MGAT3: variants seen among roughly 807,000 people sequenced by gnomAD.
MGAT3 encodes GlcNAc-T III.
Under a neutral mutation model 29.8 loss-of-function variants are expected in MGAT3, and 9 were observed. The observed-to-expected ratio is 0.30, with a 90% CI of 0.18 to 0.53. The LOEUF (loss-of-function observed/expected upper bound fraction) is 0.53. Among genes scored for constraint, MGAT3 ranks in the 20% least tolerant of loss-of-function variants. The pLI, the probability that MGAT3 is intolerant of heterozygous loss-of-function variation, is 0.96. For missense variants in MGAT3, 557 were observed against 769.5 expected (o/e 0.72, Z 3.27); for synonymous variants, 397 against 348.9 (o/e 1.14, Z -1.54).
At chr22:39,459,817 G>A (rs1207975945) in intron 1 of MGAT3, among the ~76,000 whole-genome samples, 1 of 152,188 alleles carries the variant, frequency 6.6e-6, no homozygotes, top group Non-Finnish European at 1.5e-5. Context: ...ATGCACACAG[G>A]GTGCCTGGCA....
At chr22:39,468,638 C>T (rs778332114) in intron 1 of MGAT3, among the ~76,000 whole-genome samples, 1 of 152,198 alleles carries the variant, frequency 6.6e-6, no homozygotes, top group Admixed American at 6.5e-5. Context: ...GAGCCCCAGA[C>T]AGGCCTGAGA....
rs1212119215 is a variant in MGAT3 at position 39,489,755 on chromosome 22, A to C, written c.*806A>C. On this transcript the variant is annotated 3_prime_UTR_variant, in exon 2 of 2. Transcript: ENST00000341184. ...CTGTGCACTCAGTCCTTGCAAGGCC[A>C]AGAGTCCAGTTGTAGGTGTGGCCTT... The C allele has an allele frequency of 6.0e-6, 1 of 167,412 alleles. No individual in the cohort carries two copies. Among genetic ancestry groups the C allele is most frequent in the Non-Finnish European group, 1.5e-5 (1 of 68,264 alleles). The allele number at this position is 167,412 out of a possible 1,614,324, so 10.4% of individuals were successfully genotyped here.
intron 1 of MGAT3, among the ~76,000 whole-genome samples, chr22:39,469,610 C>A (rs1928750951): frequency 6.6e-6 from 1 of 152,202 alleles, no homozygotes; most frequent in Non-Finnish European, 1.5e-5. Context: ...CCTCTGCCAG[C>A]CAACAACCCC....
chr22:39,458,667 G>A (rs1057042543), intron 1 of MGAT3, among the ~76,000 whole-genome samples: 2 of 152,240 alleles, frequency 1.3e-5, no homozygotes, highest in African/African-American at 4.8e-5. Context: ...AGGAGGAAGA[G>A]AGAGGTTACT....
Position 39,489,291 on chromosome 22 carries a change from T to G in MGAT3, c.*342T>G. 3.1e-6 allele frequency: 1 copy of G among 323,342 alleles called. No homozygotes were observed. The highest frequency in any genetic ancestry group is 6.0e-6 in the Non-Finnish European group (1 of 165,700). The allele number at this position is 323,342 out of a possible 1,614,324, so 20.0% of individuals were successfully genotyped here. A position where few individuals can be genotyped will look rare whatever the true frequency, so the allele number is the denominator to read the frequency against. On this transcript the variant is annotated 3_prime_UTR_variant, in exon 2 of 2. Coordinates refer to ENST00000341184, the MANE Select transcript of MGAT3 (RefSeq NM_002409.5). ...GGATTGGGGAAGAGAGCCTGCAGGA[T>G]CTCACCAGGCAGCCTCTGGGGGGTG... is the stretch of plus-strand genomic sequence containing the variant.
chr22:39,473,078 C>T (rs878964359), intron 1 of MGAT3, among the ~76,000 whole-genome samples: 1 of 152,066 alleles, frequency 6.6e-6, no homozygotes, highest in African/African-American at 2.4e-5. Flanking sequence ...CAGTGGGAGG[C>T]GGATGTCCAC....
Position 39,489,027 on chromosome 22 carries a change from G to T in MGAT3, c.*78G>T. 3 of 1,458,572 alleles carry T rather than the reference G, an allele frequency of 2.1e-6. No individual in the cohort carries two copies. Among genetic ancestry groups the T allele is most frequent in the Non-Finnish European group, 2.7e-6 (3 of 1,098,838 alleles). The allele number at this position is 1,458,572 out of a possible 1,614,324, so 90.4% of individuals were successfully genotyped here. On this transcript the variant is annotated 3_prime_UTR_variant, in exon 2 of 2. Coordinates refer to ENST00000341184, the MANE Select transcript of MGAT3 (RefSeq NM_002409.5). ...AGCGCTATCTCCCTGCCTCCTGCCG[G>T]CTCCTTGGTTCTTGAGGGGACCAGG...
intron 1 of MGAT3, among the ~76,000 whole-genome samples, chr22:39,458,302 G>A (rs1460790194): frequency 2.7e-5 from 4 of 146,906 alleles, no homozygotes; most frequent in Non-Finnish European, 6.2e-5. Context: ...GGGATGCCGC[G>A]CGGCCAGACC....
chr22:39,469,073 A>G (rs1194326448), intron 1 of MGAT3, among the ~76,000 whole-genome samples: 2 of 134,496 alleles, frequency 1.5e-5, no homozygotes, highest in Non-Finnish European at 3.1e-5. Context: ...TGGGGTTGGG[A>G]GATTTGGGAA....
At position 39,491,062 on chromosome 22, in the gene MGAT3, C is replaced by G. The variant is rs931140294; in HGVS notation, c.*2113C>G. On this transcript the variant is annotated 3_prime_UTR_variant, in exon 2 of 2. Transcript: ENST00000341184. This position sits in a 1 kb window ranked among gnomAD's most constrained non-coding sequence, Gnocchi z 5.5. ...GCATCATCCCACCTGTCCCCTCCCC[C>G]CCACCTCCAGTGGGGCTTTCTCCAG... The G allele has an allele frequency of 6.0e-6, 1 of 167,374 alleles. No individual in the cohort carries two copies. Among genetic ancestry groups the G allele is most frequent in the Non-Finnish European group, 1.5e-5 (1 of 68,244 alleles). The allele number at this position is 167,374 out of a possible 1,614,324, so 10.4% of individuals were successfully genotyped here. A position where few individuals can be genotyped will look rare whatever the true frequency, so the allele number is the denominator to read the frequency against.
At chr22:39,463,945 C>T (rs1450495354) in intron 1 of MGAT3, among the ~76,000 whole-genome samples, 1 of 151,734 alleles carries the variant, frequency 6.6e-6, no homozygotes, top group African/African-American at 2.4e-5. Context: ...AAATGCTGCC[C>T]TGAGGATACA....
chr22:39,459,868 A>G (rs1928448336), intron 1 of MGAT3, among the ~76,000 whole-genome samples: 1 of 152,242 alleles, frequency 6.6e-6, no homozygotes, highest in Non-Finnish European at 1.5e-5. Context: ...CGGTATTATT[A>G]CCTGGAAAAC....
Position 39,457,735 on chromosome 22 carries a change from G to A in MGAT3, c.-2+178G>A, listed in dbSNP as rs113200473. On this transcript the variant is annotated intron_variant, in intron 1 of 1. Coordinates refer to ENST00000341184, the MANE Select transcript of MGAT3 (RefSeq NM_002409.5). This position sits in a 1 kb window ranked among gnomAD's most constrained non-coding sequence, Gnocchi z 6.8. ...GGGCCCGGAGGCCGCGGTGGGGGCG[G>A]GATGCCGGGGAAGCCGCTCGGCGCG... 0.78 allele frequency among the ~76,000 whole-genome samples: 116,906 copies of A among 150,172 alleles called. 45,880 individuals are homozygous for A. Among genetic ancestry groups the A allele is most frequent in the East Asian group, 0.96 (4,819 of 5,040 alleles).
At chr22:39,485,816 CAAA>C (rs1026044678) in intron 1 of MGAT3, among the ~76,000 whole-genome samples, 1 of 151,806 alleles carries the variant, frequency 6.6e-6, no homozygotes, top group South Asian at 2.1e-4. Context: ...CAAAAACACA[CAAA>C]AAAAATTTAA....
intron 1 of MGAT3, among the ~76,000 whole-genome samples, chr22:39,460,080 C>A (rs976443436): frequency 1.3e-5 from 2 of 152,220 alleles, no homozygotes; most frequent in African/African-American, 2.4e-5. Flanking sequence ...CCCCTCTTGG[C>A]CTCATGGGCA....
At chr22:39,462,264 T>C (rs1159362195) in intron 1 of MGAT3, among the ~76,000 whole-genome samples, 1 of 152,246 alleles carries the variant, frequency 6.6e-6, no homozygotes, top group Non-Finnish European at 1.5e-5. Context: ...ACATGCTTCC[T>C]GGTGTTCTTG....
At chr22:39,459,476 T>G (rs959878230) in intron 1 of MGAT3, among the ~76,000 whole-genome samples, 4 of 152,102 alleles carry the variant, frequency 2.6e-5, no homozygotes, top group African/African-American at 9.7e-5. Flanking sequence ...TTTTTGTTTT[T>G]GTTTTGAGAC....
chr22:39,460,533 C>A (rs1928468726), intron 1 of MGAT3, among the ~76,000 whole-genome samples: 1 of 152,192 alleles, frequency 6.6e-6, no homozygotes, highest in Non-Finnish European at 1.5e-5. Flanking sequence ...CGTGGTGGCC[C>A]ATGCCTGTAA....
At chr22:39,476,642 G>T (rs1231559965) in intron 1 of MGAT3, 6 of 152,100 alleles carry the variant, frequency 3.9e-5, no homozygotes, top group Admixed American at 3.9e-4. Flanking sequence ...CTTGTGTTGA[G>T]CCTGGAGCAG....
Sources: allele counts gnomAD v4.1 joint callset (sites outside exome capture counted in the v4.1 genomes callset), GRCh38; gene constraint gnomAD v4.1.1; non-coding constraint Gnocchi (gnomAD v3.1); transcripts MANE v1.5; gene names NCBI Gene and HGNC (gene_info 2026-07-23, HGNC 2026-07-21).